SRRM3: variants seen among roughly 807,000 people sequenced by gnomAD.
SRRM3 encodes the protein serine/arginine repetitive matrix protein 3.
A neutral mutation model predicts 66.2 loss-of-function variants in SRRM3; 27 were observed. That is an observed-to-expected ratio of 0.41 (90% CI 0.30 to 0.56). SRRM3 has a LOEUF of 0.56. Among genes scored for constraint, SRRM3 ranks in the 20% least tolerant of loss-of-function variants. The pLI is 0.32. For synonymous variants in SRRM3, 391 were observed against 414.9 expected (o/e 0.94, Z 0.70); for missense variants, 918 against 991.9 (o/e 0.93, Z 1.00).
At chr7:76,235,409 G>A in intron 2 of SRRM3, 110 bp downstream of exon 2, 1 of 990,272 alleles carries the variant, frequency 1.0e-6, no homozygotes, top group Non-Finnish European at 1.4e-6. Context: ...GGGGAGAAGG[G>A]CGGGGCTAGG....
In SRRM3 at chr7:76,240,477, G is replaced by T. The variant is rs900070224; in HGVS notation, c.233+5178G>T. On this transcript the variant is annotated intron_variant, in intron 2 of 14. Coordinates refer to ENST00000611745, the MANE Select transcript of SRRM3 (RefSeq NM_001110199.3). ...CTACTAATAATACAAAAAATTAGCCGGGTGTGGTGGCAGGTGCCTGTAGTC... is the reference window on the plus strand; with the variant it reads ...CTACTAATAATACAAAAAATTAGCCTGGTGTGGTGGCAGGTGCCTGTAGTC... Among the ~76,000 whole-genome samples, 6 of 151,632 alleles carry T rather than the reference G, an allele frequency of 4.0e-5. No homozygotes were observed. The East Asian group carries it at 7.9e-4, about 20-fold the overall frequency.
chr7:76,233,726 GT>G (rs1554604457), intron 1 of SRRM3, among the ~76,000 whole-genome samples: 5 of 152,308 alleles, frequency 3.3e-5, no homozygotes, highest in African/African-American at 1.2e-4. Context: ...TCAGAGAGGG[GT>G]AGTGACATCT....
intron 1 of SRRM3, among the ~76,000 whole-genome samples, chr7:76,207,362 G>C (rs1353577156): frequency 1.3e-5 from 2 of 152,094 alleles, no homozygotes; most frequent in African/African-American, 4.8e-5. Flanking sequence ...CATTGTACAA[G>C]TCTTGGGAAA....
chr7:76,237,092 C>G (rs1374673443), intron 2 of SRRM3, among the ~76,000 whole-genome samples: 1 of 151,976 alleles, frequency 6.6e-6, no homozygotes, highest in African/African-American at 2.4e-5. Context: ...ATGGTGAAAC[C>G]CCATCTCTAC....
At chr7:76,204,020 C>G (rs935991274) in intron 1 of SRRM3, among the ~76,000 whole-genome samples, 4 of 152,130 alleles carry the variant, frequency 2.6e-5, no homozygotes, top group Non-Finnish European at 4.4e-5. Flanking sequence ...AAGGGGGGGT[C>G]TGGGTCTGAC....
At chr7:76,267,829 G>A (rs1583929893) in intron 11 of SRRM3, 2 of 174,302 alleles carry the variant, frequency 1.1e-5, no homozygotes, top group African/African-American at 2.4e-5. Flanking sequence ...GGCAGGAGCA[G>A]GATTCGAGAG....
At chr7:76,243,326 C>G (rs2117016113) in intron 2 of SRRM3, among the ~76,000 whole-genome samples, 1 of 152,176 alleles carries the variant, frequency 6.6e-6, no homozygotes, top group South Asian at 2.1e-4. Context: ...AAGATTGATT[C>G]CAAGAGATAA....
At chr7:76,221,414 G>A (rs1420328075) in intron 1 of SRRM3, among the ~76,000 whole-genome samples, 23 of 137,172 alleles carry the variant, frequency 1.7e-4, no homozygotes, top group African/African-American at 6.1e-4. Flanking sequence ...CCAGGCTGGA[G>A]TGCAGTGGCA....
rs1554606380 is a variant in SRRM3, at chr7:76,248,204, A to G, written c.250A>G (p.Ile84Val). ...MEEQGYSEEE[I>V]RQKVGTFRQM... ...CCCCTGCAGGTATTCGGAGGAGGAG[A>G]TTCGGCAGAAAGTGGGGACATTCCG... The change falls in exon 3 of 15, where the codon ATT (isoleucine) becomes GTT (valine). Residue 84 changes from isoleucine (I) to valine (V), a missense_variant. Physicochemically the swap from Ile to Val is conservative, Grantham distance 29. Transcript: ENST00000611745. The G allele has an allele frequency of 6.2e-7, 1 of 1,613,526 alleles. No individual in the cohort carries two copies. Among genetic ancestry groups the G allele is most frequent in the Non-Finnish European group, 8.5e-7 (1 of 1,179,782 alleles).
chr7:76,239,331 G>A lies in SRRM3; in HGVS notation c.233+4032G>A, dbSNP rs554539393. 8.5e-5 allele frequency among the ~76,000 whole-genome samples: 13 copies of A among 152,266 alleles called. No individual in the cohort carries two copies. The South Asian group carries it at 2.7e-3, about 32-fold the overall frequency. On this transcript the variant is annotated intron_variant, in intron 2 of 14. Transcript: ENST00000611745. ...TTACAGGTGTGAACCACCGCACCCA[G>A]CCTAGGCTTGGAGTTTTGAGCCCTC...
intron 3 of SRRM3, among the ~76,000 whole-genome samples, chr7:76,257,519 G>A (rs1583915768): frequency 6.6e-6 from 1 of 151,646 alleles, no homozygotes; most frequent in African/African-American, 2.4e-5. Flanking sequence ...GGGAGGCCAA[G>A]GCAAGATAAT....
intron 1 of SRRM3, among the ~76,000 whole-genome samples, chr7:76,204,476 T>G (rs1397906919): frequency 6.6e-6 from 1 of 152,190 alleles, no homozygotes. Context: ...GTGATGGGAC[T>G]TTCCCAAAGT....
chr7:76,282,855 C>G lies in SRRM3; in HGVS notation c.1578C>G (p.Pro526=). 1.4e-6 allele frequency: 2 copies of G among 1,452,636 alleles called. No homozygotes were observed. Among genetic ancestry groups the G allele is most frequent in the Non-Finnish European group, 1.8e-6 (2 of 1,107,166 alleles). The allele number at this position is 1,452,636 out of a possible 1,614,324, so 90.0% of individuals were successfully genotyped here. A position where few individuals can be genotyped will look rare whatever the true frequency, so the allele number is the denominator to read the frequency against. The part of the protein sequence containing the change: ...RPHSPSRSPS[P]KKPLSRDKDG... ...ACAGCCCCAGCCGCTCGCCGTCGCC[C>G]AAGAAGCCCCTCAGCCGGTGAGTGC... is the stretch of plus-strand genomic sequence containing the variant. Residue 526 remains proline (P), a synonymous_variant, in exon 13 of 15, where the codon CCC becomes CCG. Coordinates refer to ENST00000611745, the MANE Select transcript of SRRM3 (RefSeq NM_001110199.3).
intron 5 of SRRM3, 34 bp from the exon 6 acceptor site, chr7:76,260,839 TC>T (rs1554608578): frequency 3.2e-6 from 5 of 1,553,212 alleles, no homozygotes; most frequent in South Asian, 1.2e-5. Context: ...ACCCCATCCA[TC>T]CGTCTGTCCT....
At chr7:76,259,777 C>A (rs992663818) in intron 3 of SRRM3, 129 bp from the exon 4 acceptor site, 194 of 1,416,228 alleles carry the variant, frequency 1.4e-4, no homozygotes, top group Non-Finnish European at 1.6e-4. Flanking sequence ...GCCGCAGTTA[C>A]CCCTCGCCCC....
rs782055282 is a variant in SRRM3, at chr7:76,262,516, G to GAAAAAA, written c.674+949_674+954dup. ...GGTGACACAGCGAGACTCTGTCTCAGAAAAAAAAAAAAAAAAAAACAAAGT... is the reference window on the plus strand; with the variant it reads ...GGTGACACAGCGAGACTCTGTCTCAGAAAAAAAAAAAAAAAAAAAAAAAAACAAAGT... On this transcript the variant is annotated intron_variant, in intron 8 of 14. Transcript: ENST00000611745. Among the ~76,000 whole-genome samples, 9 of 92,748 alleles carry GAAAAAA rather than the reference G, an allele frequency of 9.7e-5. 1 individual carries two copies. Among genetic ancestry groups the GAAAAAA allele is most frequent in the Admixed American group, 1.3e-4 (1 of 7,970 alleles). The allele number at this position is 92,748 out of a possible 152,430, so 60.8% of individuals were successfully genotyped here.
intron 1 of SRRM3, among the ~76,000 whole-genome samples, chr7:76,202,708 G>C (rs1800184429): frequency 6.6e-6 from 1 of 152,152 alleles, no homozygotes; most frequent in Non-Finnish European, 1.5e-5. Context: ...CGCCCAGAGA[G>C]AGTTTCTAGC....
rs1273584059 is a variant in SRRM3, at chr7:76,266,120, G to A, written c.830+652G>A. Among the ~76,000 whole-genome samples, 6 of 69,248 alleles carry A rather than the reference G, an allele frequency of 8.7e-5. 2 individuals carry two copies. Among genetic ancestry groups the A allele is most frequent in the African/African-American group, 7.7e-4 (5 of 6,462 alleles). 45.4% of individuals were successfully genotyped at this position (69,248 alleles called of 152,430 possible). ...CCTGACCTCGTGATCCGCCCGCCTC[G>A]GCCTCCCAAAGTGCTGGGATTACAG... is the stretch of plus-strand genomic sequence containing the variant. On this transcript the variant is annotated intron_variant, in intron 10 of 14. Transcript: ENST00000611745.
intron 11 of SRRM3, among the ~76,000 whole-genome samples, chr7:76,270,267 CT>C (rs1583932522): frequency 1.3e-5 from 2 of 152,170 alleles, no homozygotes; most frequent in East Asian, 3.8e-4. Context: ...GCAGGACAGG[CT>C]GTTCAGGACC....
Sources: allele counts gnomAD v4.1 joint callset (sites outside exome capture counted in the v4.1 genomes callset), GRCh38; gene constraint gnomAD v4.1.1; transcripts MANE v1.5; gene names NCBI Gene and HGNC (gene_info 2026-07-23, HGNC 2026-07-21).